The following CYP24A1 variants were observed in gnomAD, a reference collection of about 807,000 sequenced individuals.
The protein encoded by CYP24A1 is cytochrome P450 family 24 subfamily A member 1, also known as 1,25-dihydroxyvitamin D(3) 24-hydroxylase, mitochondrial.
Under a neutral mutation model 62.4 loss-of-function variants are expected in CYP24A1, and 68 were observed. The observed-to-expected ratio is 1.09, with a 90% CI of 0.90 to 1.33. CYP24A1 has a LOEUF of 1.33. CYP24A1 is among the 40% of genes most tolerant of loss of function. The probability of loss-of-function intolerance (pLI) is 0.00; values close to 1 mark genes in which losing one functional copy is unlikely to be tolerated. For synonymous variants in CYP24A1, 267 were observed against 253.0 expected, an observed-to-expected ratio of 1.06 and a Z score of -0.52; for missense variants, 787 against 653.0, an observed-to-expected ratio of 1.21 and a Z score of -2.24.
Position 54,172,689 on chromosome 20 carries a change from GAA to G in CYP24A1, c.449+218_449+219del, listed in dbSNP as rs2146512210. 4.7e-6 allele frequency: 5 copies of G among 1,074,502 alleles called. No homozygotes were observed. In the East Asian group the frequency reaches 1.3e-4, roughly 29 times the overall value. The allele number at this position is 1,074,502 out of a possible 1,614,324, so 66.6% of individuals were successfully genotyped here. A position where few individuals can be genotyped will look rare whatever the true frequency, so the allele number is the denominator to read the frequency against. ...TGTGGCCCTGCCCTGTTGCCAGAGA[GAA>G]CGCAGGTGCTGGGTGCACAGCACGG... On this transcript the variant is annotated intron_variant, in intron 2 of 11. Coordinates refer to ENST00000216862, the MANE Select transcript of CYP24A1 (RefSeq NM_000782.5).
At chr20:54,162,461 C>T in intron 7 of CYP24A1, 1 of 269,824 alleles carries the variant, frequency 3.7e-6, no homozygotes, top group Non-Finnish European at 6.5e-6. Flanking sequence ...GAAGTCTCCT[C>T]CTACCCAGAG....
At chr20:54,170,719 T>G (rs999744185) in intron 3 of CYP24A1, among the ~76,000 whole-genome samples, 2 of 152,164 alleles carry the variant, frequency 1.3e-5, no homozygotes, top group Non-Finnish European at 2.9e-5. Flanking sequence ...GGGAGGGGCA[T>G]GCACTATCAC....
intron 4 of CYP24A1, among the ~76,000 whole-genome samples, chr20:54,167,888 A>T (rs527392544): frequency 6.6e-6 from 1 of 152,296 alleles, no homozygotes; most frequent in East Asian, 1.9e-4. Context: ...AGCCACAGTG[A>T]TCCTCCCAGT....
chr20:54,145,671 CCT>C, the CYP24A1 span, among the ~76,000 whole-genome samples: 3 of 151,848 alleles, frequency 2.0e-5, no homozygotes, highest in Non-Finnish European at 4.4e-5. Context: ...AGGGGGCTGC[CCT>C]CTGTTTCTTG....
chr20:54,158,666 A>C (rs1417053203), intron 8 of CYP24A1, among the ~76,000 whole-genome samples: 1 of 152,194 alleles, frequency 6.6e-6, no homozygotes, highest in African/African-American at 2.4e-5. Context: ...CCTCCATCTC[A>C]TAACCTTCAA....
At chr20:54,172,823 C>G in intron 2 of CYP24A1, 86 bp downstream of exon 2, 1 of 1,602,888 alleles carries the variant, frequency 6.2e-7, no homozygotes, top group African/African-American at 1.3e-5. Flanking sequence ...CCCCAGGGAA[C>G]TCTAACTCCG....
At chr20:54,149,567 G>A (rs1051747406), downstream of CYP24A1, among the ~76,000 whole-genome samples, 4 of 152,164 alleles carry the variant, frequency 2.6e-5, no homozygotes, top group African/African-American at 9.7e-5. Context: ...AGGAAATGGA[G>A]AGATCAAAGG....
At chr20:54,161,400 C>T (rs2092649824) in intron 7 of CYP24A1, among the ~76,000 whole-genome samples, 1 of 152,096 alleles carries the variant, frequency 6.6e-6, no homozygotes, top group Non-Finnish European at 1.5e-5. Context: ...TCTAAAGTGA[C>T]CACATTTGTT....
downstream of CYP24A1, among the ~76,000 whole-genome samples, chr20:54,150,610 G>A (rs2092611110): frequency 6.6e-6 from 1 of 152,174 alleles, no homozygotes; most frequent in Admixed American, 6.5e-5. Flanking sequence ...ACAGGCATGA[G>A]CCACCGTGCC....
intron 2 of CYP24A1, 106 bp from the exon 3 acceptor site, chr20:54,171,776 G>T: frequency 6.3e-7 from 1 of 1,597,868 alleles, no homozygotes; most frequent in East Asian, 2.2e-5. Flanking sequence ...AACAAACACT[G>T]AGAATCATGC....
At chr20:54,145,086 T>C in the CYP24A1 span, among the ~76,000 whole-genome samples, 1 of 152,226 alleles carries the variant, frequency 6.6e-6, no homozygotes, top group African/African-American at 2.4e-5. Context: ...AAAAGTATGC[T>C]AGAATAGCTT....
chr20:54,164,056 C>T (rs1208565646), intron 6 of CYP24A1, among the ~76,000 whole-genome samples: 1 of 152,182 alleles, frequency 6.6e-6, no homozygotes, highest in East Asian at 1.9e-4. Flanking sequence ...CTGCCTCAGC[C>T]TCCTGAGTAG....
chr20:54,159,128 A>G lies in CYP24A1; in HGVS notation c.991-5T>C, dbSNP rs1321224079. ...CCACATTAGACTGTTTGCTGTCTGC[A>G]AGCCAAATGGACATAAACTTGAGTT... On this transcript the variant is annotated splice_region_variant and splice_polypyrimidine_tract_variant and intron_variant, in intron 7 of 11. Coordinates refer to ENST00000216862, the MANE Select transcript of CYP24A1 (RefSeq NM_000782.5). The G allele has an allele frequency of 6.2e-7, 1 of 1,610,302 alleles. No homozygotes were observed. The highest frequency in any genetic ancestry group is 8.5e-7 in the Non-Finnish European group (1 of 1,176,648).
In CYP24A1 at chr20:54,162,220, C is replaced by CTTTTGT. The variant is rs1568968780; in HGVS notation, c.990+496_990+497insACAAAA. ...ATTATTGGCTTGAAAGAGAGTATGC[C>CTTTTGT]TTTTTTTTTTTTTTTTTTTTTTTTT... On this transcript the variant is annotated intron_variant, in intron 7 of 11. Coordinates refer to ENST00000216862, the MANE Select transcript of CYP24A1 (RefSeq NM_000782.5). 5.2e-4 allele frequency among the ~76,000 whole-genome samples: 38 copies of CTTTTGT among 72,546 alleles called. 2 individuals are homozygous for CTTTTGT. The highest frequency in any genetic ancestry group is 1.9e-3 in the East Asian group (4 of 2,054). 47.6% of individuals were successfully genotyped at this position (72,546 alleles called of 152,430 possible).
rs1277247856 is a variant in CYP24A1, at chr20:54,157,422, A to G, written c.1400T>C (p.Leu467Ser). Reference sequence around the variant, plus strand: ...AGCCAAATGCAGTTGAAGCTCTGCTAATCGGCGACCAATGCACATTCTTTT... The same window carrying G: ...AGCCAAATGCAGTTGAAGCTCTGCTGATCGGCGACCAATGCACATTCTTTT... Reference protein sequence around the residue: ...VGKRMCIGRRLAELQLHLALC... With the variant: ...VGKRMCIGRRSAELQLHLALC... The change falls in exon 10 of 12, where the codon TTA becomes TCA. Residue 467 changes from leucine (L) to serine (S), a missense_variant. Leu to Ser is a moderately radical substitution (Grantham distance 145, BLOSUM62 -2). Transcript: ENST00000216862. 1.2e-6 allele frequency: 2 copies of G among 1,604,616 alleles called. No homozygotes were observed. The highest frequency in any genetic ancestry group is 1.7e-6 in the Non-Finnish European group (2 of 1,171,344).
chr20:54,173,277 G>T lies in CYP24A1; in HGVS notation c.258+45C>A. The T allele has an allele frequency of 6.3e-7, 1 of 1,580,842 alleles. No individual in the cohort carries two copies. The highest frequency in any genetic ancestry group is 8.7e-7 in the Non-Finnish European group (1 of 1,152,536). ...GGAGGGTTTGGAGCGCCACTGGGAG[G>T]GCGGAAGAGGGAGGAGAGAGTCAGG... On this transcript the variant is annotated intron_variant, in intron 1 of 11. Coordinates refer to ENST00000216862, the MANE Select transcript of CYP24A1 (RefSeq NM_000782.5). This position sits in a 1 kb window ranked among gnomAD's most constrained non-coding sequence, Gnocchi z 7.2.
downstream of CYP24A1, among the ~76,000 whole-genome samples, chr20:54,150,759 C>T (rs1410016200): frequency 2.6e-5 from 4 of 152,310 alleles, no homozygotes; most frequent in South Asian, 2.1e-4. Flanking sequence ...TTAACATATG[C>T]GATGCACAAG....
In CYP24A1 at chr20:54,173,628, C is replaced by T; in HGVS notation, c.-49G>A. On this transcript the variant is annotated 5_prime_UTR_variant, in exon 1 of 12. Transcript: ENST00000216862. This position sits in a 1 kb window ranked among gnomAD's most constrained non-coding sequence, Gnocchi z 7.2. ...GGGAAGGCAGGAGGATGGGGTGGGGCGAGGTTGGTACGAGGTGCTAGTGGG... is the reference window on the plus strand; with the variant it reads ...GGGAAGGCAGGAGGATGGGGTGGGGTGAGGTTGGTACGAGGTGCTAGTGGG... 6.9e-7 allele frequency: 1 copy of T among 1,449,220 alleles called. No individual in the cohort carries two copies. The highest frequency in any genetic ancestry group is 1.2e-5 in the South Asian group (1 of 82,038). 89.8% of individuals were successfully genotyped at this position (1,449,220 alleles called of 1,614,324 possible).
At chr20:54,164,698 C>T in intron 5 of CYP24A1, 135 bp from the exon 6 acceptor site, 2 of 1,528,758 alleles carry the variant, frequency 1.3e-6, no homozygotes, top group Non-Finnish European at 1.8e-6. Flanking sequence ...ACACCCCCGG[C>T]TCTCTCTGCA....
Sources: gnomAD v4.1 joint callset for allele counts (sites outside exome capture counted in the v4.1 genomes callset) on GRCh38, gnomAD v4.1.1 for gene constraint, Gnocchi (gnomAD v3.1) non-coding constraint, MANE v1.5 for transcripts, NCBI Gene and HGNC (gene_info 2026-07-23, HGNC 2026-07-21) for gene names.